The following TENM3 variants were observed in gnomAD, a reference collection of about 807,000 sequenced individuals.
TENM3 encodes the protein teneurin-3.
A neutral mutation model predicts 255.1 loss-of-function variants in TENM3; 63 were observed. That is an observed-to-expected ratio of 0.25 (90% CI 0.20 to 0.30). The LOEUF is 0.30. TENM3 is among the 10% of genes least tolerant of loss of function. TENM3 has a pLI of 1.00. For synonymous variants in TENM3, 1,306 were observed against 1,322.3 expected (o/e 0.99, Z 0.27); for missense variants, 2,929 against 3,461.1 (o/e 0.85, Z 3.86).
the TENM3 span, among the ~76,000 whole-genome samples, chr4:181,611,977 A>G: frequency 6.6e-6 from 1 of 152,160 alleles, no homozygotes; most frequent in Admixed American, 6.6e-5. Flanking sequence ...TGACATGATT[A>G]TTTTCTCATT....
At position 182,391,151 on chromosome 4, in the gene TENM3, C is replaced by T. The variant is rs1364179233; in HGVS notation, c.511+44222C>T. On this transcript the variant is annotated intron_variant, in intron 3 of 27. Transcript: ENST00000511685. The stretch of plus-strand genomic sequence containing the variant: ...AGAGTAATATTAAAAATAATAGCTG[C>T]CTTCGTAAGCTGTTCTTCAGTTTAC... Among the ~76,000 whole-genome samples, 5 of 152,196 alleles carry T rather than the reference C, an allele frequency of 3.3e-5. No homozygotes were observed. In the East Asian group the frequency reaches 7.7e-4, roughly 23 times the overall value.
At chr4:181,782,993 TC>T in the TENM3 span, among the ~76,000 whole-genome samples, 1 of 152,196 alleles carries the variant, frequency 6.6e-6, no homozygotes, top group East Asian at 1.9e-4. Context: ...AGACAGTTTG[TC>T]ATAATTTCTG....
rs1201927713 is a variant in TENM3, at chr4:182,679,711, G to A, written c.1372G>A (p.Glu458Lys). ...GGATGGCAGCAGGCTGATTGCCAGA[G>A]AGCAGCGGAGCCTGCTTGAGACGGA... is the stretch of plus-strand genomic sequence containing the variant. ...LLDGSRLIAR[E>K]QRSLLETERA... is the part of the protein sequence containing the mutation. Residue 458 changes from glutamate (E) to lysine (K), a missense_variant, in exon 8 of 28, where the codon GAG becomes AAG. Transcript: ENST00000511685. The A allele has an allele frequency of 6.2e-7, 1 of 1,613,454 alleles. No individual in the cohort carries two copies. Among genetic ancestry groups the A allele is most frequent in the East Asian group, 2.2e-5 (1 of 44,874 alleles).
intron 3 of TENM3, among the ~76,000 whole-genome samples, chr4:182,584,126 A>G (rs2152368306): frequency 6.6e-6 from 1 of 152,384 alleles, no homozygotes; most frequent in African/African-American, 2.4e-5. Flanking sequence ...AGATTTGTGA[A>G]AACAGCCTGC....
chr4:181,961,086 A>G, the TENM3 span, among the ~76,000 whole-genome samples: 1 of 152,158 alleles, frequency 6.6e-6, no homozygotes, highest in Admixed American at 6.5e-5. Flanking sequence ...TAGGAATAAG[A>G]AAATGTGGAA....
At chr4:181,916,968 T>A in the TENM3 span, among the ~76,000 whole-genome samples, 3 of 152,252 alleles carry the variant, frequency 2.0e-5, no homozygotes, top group East Asian at 5.8e-4. Flanking sequence ...TAAAAAAAAA[T>A]TTAACATGTT....
chr4:181,834,413 A>AT, the TENM3 span, among the ~76,000 whole-genome samples: 2 of 152,218 alleles, frequency 1.3e-5, no homozygotes. Context: ...ATATGGGCTT[A>AT]ATCACCAGTA....
the TENM3 span, among the ~76,000 whole-genome samples, chr4:182,056,368 C>A: frequency 2.0e-5 from 3 of 152,164 alleles, no homozygotes; most frequent in African/African-American, 4.8e-5. Flanking sequence ...AGCAGACCAA[C>A]TACACTGTTA....
At chr4:181,964,759 G>A in the TENM3 span, among the ~76,000 whole-genome samples, 22 of 152,224 alleles carry the variant, frequency 1.4e-4, no homozygotes, top group African/African-American at 4.8e-4. Flanking sequence ...ATTTGCCACC[G>A]GTGAGAGAGT....
At chr4:182,389,792 T>A (rs1197423114) in intron 3 of TENM3, among the ~76,000 whole-genome samples, 1 of 151,000 alleles carries the variant, frequency 6.6e-6, no homozygotes, top group Non-Finnish European at 1.5e-5. Context: ...TTCGCGCCAT[T>A]CTCCTGCCTC....
chr4:181,791,189 G>A, the TENM3 span, among the ~76,000 whole-genome samples: 4 of 152,172 alleles, frequency 2.6e-5, no homozygotes, highest in African/African-American at 9.6e-5. Flanking sequence ...CACGATAGTG[G>A]TCCGGAGAAA....
chr4:182,000,383 G>A, the TENM3 span, among the ~76,000 whole-genome samples: 2 of 151,778 alleles, frequency 1.3e-5, no homozygotes, highest in African/African-American at 2.4e-5. Flanking sequence ...GCCAAGAATC[G>A]GTTCTCCCAA....
chr4:181,835,882 T>G, the TENM3 span, among the ~76,000 whole-genome samples: 1 of 151,626 alleles, frequency 6.6e-6, no homozygotes, highest in Non-Finnish European at 1.5e-5. Context: ...AGTGGGAACA[T>G]TTTTTTTTCT....
chr4:181,449,681 G>T, the TENM3 span, among the ~76,000 whole-genome samples: 2 of 152,122 alleles, frequency 1.3e-5, no homozygotes, highest in African/African-American at 4.8e-5. Context: ...CAGCTATTCA[G>T]GAGGCTGAGG....
chr4:181,670,819 A>G, the TENM3 span, among the ~76,000 whole-genome samples: 2 of 152,240 alleles, frequency 1.3e-5, no homozygotes, highest in Non-Finnish European at 2.9e-5. Context: ...ATTCATTAAT[A>G]ATGCAGTGTT....
At chr4:181,874,994 G>T in the TENM3 span, among the ~76,000 whole-genome samples, 1 of 152,168 alleles carries the variant, frequency 6.6e-6, no homozygotes, top group Non-Finnish European at 1.5e-5. Context: ...TATTGTTTAG[G>T]ATGAGAGAAC....
At chr4:182,286,404 T>G (rs1760730580) in intron 1 of TENM3, among the ~76,000 whole-genome samples, 1 of 152,240 alleles carries the variant, frequency 6.6e-6, no homozygotes, top group Non-Finnish European at 1.5e-5. Context: ...CTCTACTTCT[T>G]GCCAGCATGC....
At chr4:181,661,569 G>A in the TENM3 span, among the ~76,000 whole-genome samples, 1 of 152,084 alleles carries the variant, frequency 6.6e-6, no homozygotes, top group Admixed American at 6.6e-5. Flanking sequence ...GACACAGAAA[G>A]TCTTAAACAG....
chr4:182,001,244 TA>T, the TENM3 span, among the ~76,000 whole-genome samples: 9 of 151,720 alleles, frequency 5.9e-5, no homozygotes, highest in East Asian at 1.9e-4. Context: ...TTTTTCAATA[TA>T]AAAAAAACTC....
Sources: allele counts gnomAD v4.1 joint callset (sites outside exome capture counted in the v4.1 genomes callset), GRCh38; gene constraint gnomAD v4.1.1; transcripts MANE v1.5; gene names NCBI Gene and HGNC (gene_info 2026-07-23, HGNC 2026-07-21).